Variants in SPSB4 observed in about 807,000 individuals in gnomAD.
The protein encoded by SPSB4 is splA/ryanodine receptor domain and SOCS box containing 4.
In SPSB4, 21 loss-of-function variants were observed where a neutral mutation model predicts 20.9. The observed-to-expected ratio is 1.01, with a 90% CI of 0.71 to 1.45. SPSB4 has a LOEUF of 1.45. Ranked by LOEUF, SPSB4 falls within the 40% of genes most tolerant of loss-of-function variation. The probability of loss-of-function intolerance (pLI) is 0.00; values close to 1 mark genes in which losing one functional copy is unlikely to be tolerated. For synonymous variants in SPSB4, 207 were observed against 183.8 expected (o/e 1.13, Z -1.02); for missense variants, 399 against 399.2 (o/e 1.00, Z 0.00).
chr3:141,052,854 G>T lies in SPSB4; in HGVS notation c.-154+862G>T, dbSNP rs569438157. On this transcript the variant is annotated intron_variant, in intron 1 of 2. Transcript: ENST00000310546. The stretch of plus-strand genomic sequence containing the variant: ...CCCTGGTCGCTCTGTACGCGCCAGG[G>T]GCTCCAAGCCAGAAGGGGACGCCGA... 4.6e-5 allele frequency among the ~76,000 whole-genome samples: 7 copies of T among 152,340 alleles called. No homozygotes were observed. The East Asian group carries it at 1.4e-3, about 29-fold the overall frequency.
rs577917401 is a variant in SPSB4 at position 141,126,712 on chromosome 3, A to G, written c.695-20430A>G. Among the ~76,000 whole-genome samples, 7 of 152,356 alleles carry G rather than the reference A, an allele frequency of 4.6e-5. No homozygotes were observed. The South Asian group carries it at 1.4e-3, about 32-fold the overall frequency. On this transcript the variant is annotated intron_variant, in intron 2 of 2. Transcript: ENST00000310546. ...GTTACCTCCTTTAATTCGCACAAGCACCGTCAGAGACAGGTCCACGAGCTG... is the reference window on the plus strand; with the variant it reads ...GTTACCTCCTTTAATTCGCACAAGCGCCGTCAGAGACAGGTCCACGAGCTG...
intron 2 of SPSB4, among the ~76,000 whole-genome samples, chr3:141,144,564 AG>A (rs1939382475): frequency 6.6e-6 from 1 of 152,228 alleles, no homozygotes. Context: ...CAGTGGGGGC[AG>A]GAACTCAAGG....
Position 141,051,662 on chromosome 3 carries a change from A to G in SPSB4, c.-484A>G, listed in dbSNP as rs1274148221. The G allele has an allele frequency of 2.0e-5, 3 of 151,808 alleles. No individual in the cohort carries two copies. The East Asian group carries it at 5.9e-4, about 30-fold the overall frequency. The allele number at this position is 151,808 out of a possible 1,614,324, so 9.4% of individuals were successfully genotyped here. A position where few individuals can be genotyped will look rare whatever the true frequency, so the allele number is the denominator to read the frequency against. On this transcript the variant is annotated 5_prime_UTR_variant, in exon 1 of 3. Coordinates refer to ENST00000310546, the MANE Select transcript of SPSB4 (RefSeq NM_080862.3). ...TCGTCGCCCTCCGGGTCAGGCGCCA[A>G]GCTTCCAAGCGGCTAGAGCGCGGGC...
At chr3:141,088,703 T>C (rs1938395868) in intron 2 of SPSB4, among the ~76,000 whole-genome samples, 1 of 152,214 alleles carries the variant, frequency 6.6e-6, no homozygotes, top group Non-Finnish European at 1.5e-5. Context: ...CCATCCTACA[T>C]AGATGCTCAG....
intron 2 of SPSB4, among the ~76,000 whole-genome samples, chr3:141,133,463 T>C (rs1939167554): frequency 6.6e-6 from 1 of 152,220 alleles, no homozygotes; most frequent in Admixed American, 6.5e-5. Context: ...TGAGGTGATT[T>C]TTGTATAAGA....
At chr3:141,142,709 T>G (rs972958671) in intron 2 of SPSB4, among the ~76,000 whole-genome samples, 1 of 152,078 alleles carries the variant, frequency 6.6e-6, no homozygotes, top group East Asian at 1.9e-4. Context: ...TTTTATAAAT[T>G]TGGGAGCTCC....
chr3:141,071,165 C>T (rs1469124052), intron 2 of SPSB4, among the ~76,000 whole-genome samples: 2 of 152,210 alleles, frequency 1.3e-5, no homozygotes, highest in Non-Finnish European at 2.9e-5. Context: ...GCAAATGTCT[C>T]GACTGCTGTG....
intron 2 of SPSB4, among the ~76,000 whole-genome samples, chr3:141,093,895 G>A (rs541706374): frequency 1.3e-5 from 2 of 152,214 alleles, no homozygotes; most frequent in South Asian, 2.1e-4. Flanking sequence ...TACCACACAG[G>A]TCTCCCATGT....
intron 2 of SPSB4, among the ~76,000 whole-genome samples, chr3:141,087,992 G>A (rs891938455): frequency 6.6e-6 from 1 of 152,154 alleles, no homozygotes; most frequent in Non-Finnish European, 1.5e-5. Context: ...AAGCCCTGTT[G>A]GCCATTTAGG....
intron 2 of SPSB4, among the ~76,000 whole-genome samples, chr3:141,128,493 G>A (rs1013082444): frequency 6.6e-6 from 1 of 152,136 alleles, no homozygotes; most frequent in African/African-American, 2.4e-5. Flanking sequence ...ACAGAAGGTG[G>A]GTGTGGAGCT....
chr3:141,095,935 A>G (rs1161849106), intron 2 of SPSB4, among the ~76,000 whole-genome samples: 1 of 152,086 alleles, frequency 6.6e-6, no homozygotes, highest in African/African-American at 2.4e-5. Flanking sequence ...TCCTTCTTAC[A>G]GCTAAAAGTA....
At chr3:141,104,668 G>C in intron 2 of SPSB4, among the ~76,000 whole-genome samples, 1 of 152,202 alleles carries the variant, frequency 6.6e-6, no homozygotes, top group African/African-American at 2.4e-5. Flanking sequence ...GCCCAGACCT[G>C]GGCAGGGCCT....
At chr3:141,072,675 C>T (rs1938028851) in intron 2 of SPSB4, among the ~76,000 whole-genome samples, 1 of 152,262 alleles carries the variant, frequency 6.6e-6, no homozygotes, top group East Asian at 1.9e-4. Context: ...TATAAATTAC[C>T]CAGCCTCAGA....
At chr3:141,097,758 G>C (rs1472838043) in intron 2 of SPSB4, among the ~76,000 whole-genome samples, 2 of 123,304 alleles carry the variant, frequency 1.6e-5, no homozygotes, top group Non-Finnish European at 3.7e-5. Flanking sequence ...GTCCCACAGA[G>C]CAAAAGGTCA....
At chr3:141,119,118 A>G (rs1938924332) in intron 2 of SPSB4, among the ~76,000 whole-genome samples, 1 of 152,178 alleles carries the variant, frequency 6.6e-6, no homozygotes, top group South Asian at 2.1e-4. Context: ...CTTCCTATCC[A>G]TGAGTATGGA....
intron 2 of SPSB4, among the ~76,000 whole-genome samples, chr3:141,103,140 C>T (rs1938638462): frequency 6.6e-6 from 1 of 152,220 alleles, no homozygotes; most frequent in African/African-American, 2.4e-5. Context: ...AAAGGGGCAG[C>T]CTCTGAAGAC....
intron 2 of SPSB4, among the ~76,000 whole-genome samples, chr3:141,145,111 C>T (rs1939392082): frequency 6.6e-6 from 1 of 151,088 alleles, no homozygotes; most frequent in South Asian, 2.1e-4. Flanking sequence ...TGTCCAGCCT[C>T]ATTTTGTATG....
chr3:141,094,021 C>G (rs1938506580), intron 2 of SPSB4, among the ~76,000 whole-genome samples: 2 of 152,356 alleles, frequency 1.3e-5, no homozygotes, highest in South Asian at 4.1e-4. Context: ...CAGGTCCCGG[C>G]AGGCAAATTC....
intron 2 of SPSB4, among the ~76,000 whole-genome samples, chr3:141,125,862 A>G (rs190159868): frequency 3.3e-5 from 5 of 152,346 alleles, no homozygotes; most frequent in Non-Finnish European, 5.9e-5. Context: ...TACTATAGAA[A>G]TATCATTCTC....
Sources: allele counts gnomAD v4.1 joint callset (sites outside exome capture counted in the v4.1 genomes callset), GRCh38; gene constraint gnomAD v4.1.1; transcripts MANE v1.5; gene names NCBI Gene and HGNC (gene_info 2026-07-23, HGNC 2026-07-21).